Variants in SLC5A10 observed in about 807,000 individuals in gnomAD.
SLC5A10 encodes the protein solute carrier family 5 member 10.
Under a neutral mutation model 68.9 loss-of-function variants are expected in SLC5A10, and 55 were observed. That is an observed-to-expected ratio of 0.80 (90% CI 0.64 to 1.00). The LOEUF (loss-of-function observed/expected upper bound fraction) is 1.00. SLC5A10 is among the 50% of genes least tolerant of loss of function. The pLI is 0.00. For missense variants in SLC5A10, 732 were observed against 819.3 expected (o/e 0.89, Z 1.30); for synonymous variants, 344 against 344.8 (o/e 1.00, Z 0.02).
chr17:18,951,025 A>G (rs1267077723), upstream of SLC5A10, among the ~76,000 whole-genome samples: 1 of 152,168 alleles, frequency 6.6e-6, no homozygotes, highest in Non-Finnish European at 1.5e-5. Flanking sequence ...GGCCGAGGGG[A>G]TTAATTTTTA....
At chr17:18,984,071 G>A (rs1025187671) in intron 9 of SLC5A10, among the ~76,000 whole-genome samples, 4 of 152,178 alleles carry the variant, frequency 2.6e-5, no homozygotes, top group African/African-American at 7.2e-5. Flanking sequence ...GGCCGGGCGC[G>A]GTGGCTCACG....
At chr17:18,951,128 A>C (rs927368967), upstream of SLC5A10, among the ~76,000 whole-genome samples, 4 of 152,236 alleles carry the variant, frequency 2.6e-5, no homozygotes, top group African/African-American at 9.6e-5. Flanking sequence ...CACTTCTGGA[A>C]GTGCTGCATG....
intron 9 of SLC5A10, among the ~76,000 whole-genome samples, chr17:18,998,476 G>C (rs1026078422): frequency 7.2e-5 from 11 of 152,262 alleles, no homozygotes; most frequent in South Asian, 2.1e-4. Flanking sequence ...GTAACCTTAT[G>C]AAGGCCCCAG....
chr17:18,982,069 T>C (rs891842566), intron 9 of SLC5A10, among the ~76,000 whole-genome samples: 9 of 152,184 alleles, frequency 5.9e-5, no homozygotes, highest in African/African-American at 2.2e-4. Flanking sequence ...TCCCAAACCT[T>C]GTCCTGATGA....
chr17:19,019,600 C>G lies in SLC5A10; in HGVS notation c.1410+9C>G, dbSNP rs755353760. 6 of 1,610,202 alleles carry G rather than the reference C, an allele frequency of 3.7e-6. No individual in the cohort carries two copies. The highest frequency in any genetic ancestry group is 2.2e-5 in the South Asian group (2 of 91,046). On this transcript the variant is annotated intron_variant, in intron 12 of 14. Transcript: ENST00000395645. ...GACGTGCCAACGAGCAGGTGGGCGT[C>G]GGCGGTCTGCTCTCCCTGGGGACGT...
chr17:18,977,589 C>A, intron 9 of SLC5A10: 1 of 1,607,724 alleles, frequency 6.2e-7, no homozygotes. Context: ...CCCACCTGTG[C>A]CTCCTTGTCT....
rs2044237055 is a variant in SLC5A10, at chr17:19,020,176, AC to A, written c.1651del (p.Leu551TrpfsTer111). 1 of 1,383,362 alleles carries A rather than the reference AC, an allele frequency of 7.2e-7. No homozygotes were observed. The highest frequency in any genetic ancestry group is 1.6e-5 in the African/African-American group (1 of 61,328). 85.7% of individuals were successfully genotyped at this position (1,383,362 alleles called of 1,614,324 possible). A position where few individuals can be genotyped will look rare whatever the true frequency, so the allele number is the denominator to read the frequency against. On this transcript the variant is annotated frameshift_variant, in exon 14 of 15. Coordinates refer to ENST00000395645, the MANE Select transcript of SLC5A10 (RefSeq NM_001042450.4). LOFTEE classifies it low-confidence loss of function (END_TRUNC). ...SVQIENLTWW[T>X]LAQDVPLGTK... ...ACAGATTGAGAACCTTACCTGGTGGACCCTGGCTCAGGATGTGCCCTTGGGA... is the reference window on the plus strand; with the variant it reads ...ACAGATTGAGAACCTTACCTGGTGGACCTGGCTCAGGATGTGCCCTTGGGA...
chr17:18,969,060 G>A lies in SLC5A10; in HGVS notation c.462G>A (p.Leu154=). ...GCTCTCTCCCTCCGCAGCTGGACCT[G>A]TACGCGGGGGCTCTGTTTGTGCACA... ...LSVFTKISLD[L]YAGALFVHIC... is the part of the protein sequence containing the mutation. Residue 154 remains leucine (L), a synonymous_variant, in exon 6 of 15, where the codon CTG becomes CTA. Coordinates refer to ENST00000395645, the MANE Select transcript of SLC5A10 (RefSeq NM_001042450.4). The A allele has an allele frequency of 6.2e-7, 1 of 1,613,640 alleles. No individual in the cohort carries two copies. Among genetic ancestry groups the A allele is most frequent in the Non-Finnish European group, 8.5e-7 (1 of 1,179,796 alleles).
In SLC5A10 at chr17:18,979,505, C is replaced by CAG. The variant is rs765004203; in HGVS notation, c.982+2519_982+2520dup. 5 of 1,606,428 alleles carry CAG rather than the reference C, an allele frequency of 3.1e-6. No individual in the cohort carries two copies. In the African/African-American group the frequency reaches 5.3e-5, roughly 17 times the overall value. On this transcript the variant is annotated intron_variant, in intron 9 of 14. Coordinates refer to ENST00000395645, the MANE Select transcript of SLC5A10 (RefSeq NM_001042450.4). ...TTAAGGGCAGAAGCCAGTTGGGAGC[C>CAG]AGAGGTACCTCTCGCACAACTTCCC... is the stretch of plus-strand genomic sequence containing the variant.
chr17:18,957,129 C>T (rs182429064), intron 1 of SLC5A10, among the ~76,000 whole-genome samples: 10 of 152,196 alleles, frequency 6.6e-5, no homozygotes, highest in Admixed American at 5.2e-4. Context: ...GCCAGGGTGA[C>T]GGAGTGAGAT....
intron 9 of SLC5A10, among the ~76,000 whole-genome samples, chr17:18,989,799 T>TA (rs1820976894): frequency 6.6e-6 from 1 of 152,176 alleles, no homozygotes; most frequent in Non-Finnish European, 1.5e-5. Flanking sequence ...TGCAGCCAGG[T>TA]AAACTGAGGC....
At position 18,965,881 on chromosome 17, in the gene SLC5A10, C is replaced by G. The variant is rs930070209; in HGVS notation, c.454-3171C>G. On this transcript the variant is annotated intron_variant, in intron 5 of 14. Transcript: ENST00000395645. Reference sequence around the variant, plus strand: ...CGTCCTTGGGGCCCACCTCTTAGGACGGTGGGACTTTGACAAAGTCATTTC... The same window carrying G: ...CGTCCTTGGGGCCCACCTCTTAGGAGGGTGGGACTTTGACAAAGTCATTTC... 7.9e-5 allele frequency among the ~76,000 whole-genome samples: 12 copies of G among 152,308 alleles called. No individual in the cohort carries two copies. The East Asian group carries it at 2.3e-3, about 29-fold the overall frequency.
chr17:18,967,453 T>C (rs1335952305), intron 5 of SLC5A10, among the ~76,000 whole-genome samples: 2 of 152,212 alleles, frequency 1.3e-5, no homozygotes, highest in Admixed American at 6.5e-5. Context: ...GGCTGGGATG[T>C]TCCAGGGCAG....
At chr17:18,956,716 C>T (rs944391024) in intron 1 of SLC5A10, among the ~76,000 whole-genome samples, 8 of 152,052 alleles carry the variant, frequency 5.3e-5, no homozygotes, top group African/African-American at 1.9e-4. Context: ...GCTTGAGTAA[C>T]CCTCCTTCCT....
intron 9 of SLC5A10, among the ~76,000 whole-genome samples, chr17:19,012,745 A>C (rs149628827): frequency 1.3e-5 from 2 of 152,330 alleles, no homozygotes; most frequent in African/African-American, 4.8e-5. Context: ...AGTCCTGGGC[A>C]TCAGCTCAGC....
chr17:18,971,004 C>G lies in SLC5A10; in HGVS notation c.641-9C>G, dbSNP rs1315359984. 1.2e-6 allele frequency: 2 copies of G among 1,613,792 alleles called. No individual in the cohort carries two copies. The highest frequency in any genetic ancestry group is 4.5e-5 in the East Asian group (2 of 44,872). ...CCAAACTGTCCCTGTTCCACCCTGA[C>G]CCCTCCAGCTTTTGACCAGATCGGT... On this transcript the variant is annotated splice_polypyrimidine_tract_variant and intron_variant, in intron 7 of 14. Transcript: ENST00000395645. This position sits in a 1 kb window ranked among gnomAD's most constrained non-coding sequence, Gnocchi z 5.5.
rs201948913 is a variant in SLC5A10, at chr17:19,020,112, G to A, written c.1627-43G>A. 6.7e-5 allele frequency: 37 copies of A among 552,508 alleles called. No individual in the cohort carries two copies. The African/African-American group carries it at 9.5e-4, about 14-fold the overall frequency. 34.2% of individuals were successfully genotyped at this position (552,508 alleles called of 1,614,324 possible). On this transcript the variant is annotated intron_variant, in intron 13 of 14. Coordinates refer to ENST00000395645, the MANE Select transcript of SLC5A10 (RefSeq NM_001042450.4). ...ATCCTGTCTGGGTCACCCCCACCCT[G>A]CCATCCCCCACCCCCAACCCTATCC... is the stretch of plus-strand genomic sequence containing the variant.
chr17:18,967,913 C>T (rs1157095694), intron 5 of SLC5A10, among the ~76,000 whole-genome samples: 1 of 145,098 alleles, frequency 6.9e-6, no homozygotes, highest in Non-Finnish European at 1.5e-5. Flanking sequence ...ACCTGCCCTT[C>T]CTATACACAC....
At chr17:19,012,022 C>A (rs2044025364) in intron 9 of SLC5A10, among the ~76,000 whole-genome samples, 1 of 152,090 alleles carries the variant, frequency 6.6e-6, no homozygotes, top group South Asian at 2.1e-4. Context: ...CCCTAACCAG[C>A]CACTGCAGTG....
Sources: allele counts gnomAD v4.1 joint callset (sites outside exome capture counted in the v4.1 genomes callset), GRCh38; gene constraint gnomAD v4.1.1; non-coding constraint Gnocchi (gnomAD v3.1); transcripts MANE v1.5; gene names NCBI Gene and HGNC (gene_info 2026-07-23, HGNC 2026-07-21).